The following PKIB variants were observed in gnomAD, a reference collection of about 807,000 sequenced individuals.
PKIB encodes the protein cAMP-dependent protein kinase inhibitor beta.
Under a neutral mutation model 4.5 loss-of-function variants are expected in PKIB, and 2 were observed. That is an observed-to-expected ratio of 0.44 (90% CI 0.18 to 1.39). The LOEUF is 1.39. Among genes scored for constraint, PKIB ranks in the 40% most tolerant of loss-of-function variants. PKIB has a pLI of 0.27. For missense variants in PKIB, 94 were observed against 92.6 expected (o/e 1.02, Z -0.06); for synonymous variants, 38 against 36.0 (o/e 1.06, Z -0.20).
intron 3 of PKIB, among the ~76,000 whole-genome samples, chr6:122,598,680 C>G (rs890022160): frequency 2.6e-5 from 4 of 152,194 alleles, no homozygotes; most frequent in Admixed American, 6.5e-5. Context: ...CCATCCCAAT[C>G]TCCCTAAGCC....
At chr6:122,595,259 C>A (rs978152479) in intron 3 of PKIB, among the ~76,000 whole-genome samples, 3 of 152,178 alleles carry the variant, frequency 2.0e-5, no homozygotes, top group Admixed American at 2.0e-4. Flanking sequence ...GAACTTTTCC[C>A]TAGCCCTGCA....
chr6:122,529,551 A>G lies in PKIB; in HGVS notation c.-248+51612A>G, dbSNP rs546236759. ...TTCACATCGTGTCAAATGGCTGTCTACTATCCTTTTGTTTCAACTTGAAGG... is the reference window on the plus strand; with the variant it reads ...TTCACATCGTGTCAAATGGCTGTCTGCTATCCTTTTGTTTCAACTTGAAGG... On this transcript the variant is annotated intron_variant, in intron 2 of 6. Transcript: ENST00000392491. Among the ~76,000 whole-genome samples the G allele has an allele frequency of 2.0e-5, 3 of 152,218 alleles. No homozygotes were observed. In the East Asian group the frequency reaches 5.8e-4, roughly 29 times the overall value.
At position 122,575,193 on chromosome 6, in the gene PKIB, A is replaced by G. The variant is rs139743716; in HGVS notation, c.-247-10728A>G. Among the ~76,000 whole-genome samples, 1,442 of 152,340 alleles carry G rather than the reference A, an allele frequency of 9.5e-3. 28 individuals carry two copies. The highest frequency in any genetic ancestry group is 0.032 in the African/African-American group (1,315 of 41,576). On this transcript the variant is annotated intron_variant, in intron 2 of 6. Coordinates refer to the PKIB transcript ENST00000392491. ...TCAGGGAAATGTAAATTAAAACCAC[A>G]GTAAGATATTACCTTACTCTTGCAA...
intron 2 of PKIB, among the ~76,000 whole-genome samples, chr6:122,507,209 T>G (rs943350051): frequency 6.6e-6 from 1 of 152,146 alleles, no homozygotes; most frequent in Admixed American, 6.5e-5. Flanking sequence ...AGGCAACTGA[T>G]AGTTGGCCCT....
intron 2 of PKIB, among the ~76,000 whole-genome samples, chr6:122,665,973 C>T (rs1036520193): frequency 3.9e-5 from 6 of 152,152 alleles, no homozygotes; most frequent in Non-Finnish European, 7.4e-5. Context: ...AAGTACTTTT[C>T]GGACATTGTC....
chr6:122,561,530 T>A (rs1260507412), intron 2 of PKIB, among the ~76,000 whole-genome samples: 1 of 152,056 alleles, frequency 6.6e-6, no homozygotes, highest in Non-Finnish European at 1.5e-5. Context: ...TCTGAGGTTG[T>A]GTTGCTGTCT....
At chr6:122,663,476 A>G (rs1198039387) in intron 2 of PKIB, among the ~76,000 whole-genome samples, 1 of 152,122 alleles carries the variant, frequency 6.6e-6, no homozygotes, top group Non-Finnish European at 1.5e-5. Flanking sequence ...GCGGCTTAAA[A>G]CAAAGGAAAT....
intron 3 of PKIB, among the ~76,000 whole-genome samples, chr6:122,702,503 A>G (rs1334570330): frequency 2.0e-5 from 3 of 151,620 alleles, no homozygotes; most frequent in Admixed American, 6.6e-5. Context: ...TAATTCTTAT[A>G]TTTTTAGTAG....
At chr6:122,596,332 C>T (rs966723694) in intron 3 of PKIB, among the ~76,000 whole-genome samples, 4 of 152,182 alleles carry the variant, frequency 2.6e-5, no homozygotes, top group African/African-American at 7.2e-5. Context: ...ATGAGGCCAT[C>T]GGTGCAGGCT....
intron 3 of PKIB, among the ~76,000 whole-genome samples, chr6:122,690,276 G>A (rs1178718902): frequency 6.6e-6 from 1 of 151,826 alleles, no homozygotes; most frequent in Non-Finnish European, 1.5e-5. Context: ...GATAGGTAAG[G>A]ACTACTCTTG....
chr6:122,548,648 A>C (rs1175649584), intron 2 of PKIB, among the ~76,000 whole-genome samples: 2 of 152,210 alleles, frequency 1.3e-5, no homozygotes, highest in African/African-American at 4.8e-5. Flanking sequence ...GGTTATAAAG[A>C]GACAAATACA....
chr6:122,666,591 G>C (rs750129337), intron 2 of PKIB, among the ~76,000 whole-genome samples: 1 of 152,144 alleles, frequency 6.6e-6, no homozygotes, highest in Non-Finnish European at 1.5e-5. Flanking sequence ...CCTCATGGGC[G>C]CATTTCTGTG....
chr6:122,612,692 A>G (rs1774811451), intron 1 of PKIB, among the ~76,000 whole-genome samples: 1 of 152,072 alleles, frequency 6.6e-6, no homozygotes, highest in Non-Finnish European at 1.5e-5. Context: ...TCAATTTACT[A>G]GTGGATGGAT....
intron 2 of PKIB, chr6:122,581,779 C>G (rs1049999197): frequency 6.6e-6 from 1 of 151,804 alleles, no homozygotes; most frequent in Non-Finnish European, 1.5e-5. Flanking sequence ...CATTAAAAAT[C>G]TTTAATTGTG....
chr6:122,665,613 A>C (rs1777190114), intron 2 of PKIB, among the ~76,000 whole-genome samples: 1 of 152,192 alleles, frequency 6.6e-6, no homozygotes, highest in African/African-American at 2.4e-5. Flanking sequence ...TCAAAATCAC[A>C]CAGGAATTCA....
chr6:122,659,153 A>G (rs1272198925), intron 2 of PKIB, among the ~76,000 whole-genome samples: 4 of 152,290 alleles, frequency 2.6e-5, no homozygotes, highest in South Asian at 2.1e-4. Flanking sequence ...GTTTCCTGAC[A>G]AAGTTTAAAG....
intron 2 of PKIB, among the ~76,000 whole-genome samples, chr6:122,557,722 C>T (rs773232280): frequency 5.3e-5 from 8 of 152,150 alleles, no homozygotes; most frequent in Non-Finnish European, 1.0e-4. Context: ...ATTAGCTTAC[C>T]TCTAACAGAA....
chr6:122,549,606 A>AT (rs1562247817), intron 2 of PKIB, among the ~76,000 whole-genome samples: 1 of 152,038 alleles, frequency 6.6e-6, no homozygotes, highest in Non-Finnish European at 1.5e-5. Flanking sequence ...GAAAAATAAC[A>AT]TTTTTGACTA....
chr6:122,689,472 C>T (rs6569270), intron 3 of PKIB, among the ~76,000 whole-genome samples: 72,247 of 151,844 alleles, frequency 0.48, 17,964 homozygotes, highest in Non-Finnish European at 0.56. Context: ...CATTATCATT[C>T]GTTTCAAGAA....
Sources: gnomAD v4.1 joint callset for allele counts (sites outside exome capture counted in the v4.1 genomes callset) on GRCh38, gnomAD v4.1.1 for gene constraint, MANE v1.5 for transcripts, NCBI Gene and HGNC (gene_info 2026-07-23, HGNC 2026-07-21) for gene names.